Variants in PCDH11X observed in about 807,000 individuals in gnomAD.
The protein encoded by PCDH11X is protocadherin-11 X-linked.
PCDH11X carries 18 observed loss-of-function variants against 53.3 expected under a neutral mutation model. The observed-to-expected ratio is 0.34, with a 90% CI of 0.23 to 0.50. PCDH11X has a LOEUF of 0.50. Among genes scored for constraint, PCDH11X ranks in the 20% least tolerant of loss-of-function variants. PCDH11X has a pLI of 0.98. For missense variants in PCDH11X, 570 were observed against 1,032.4 expected (o/e 0.55, Z 6.14); for synonymous variants, 279 against 393.3 (o/e 0.71, Z 3.44).
At chrX:92,296,669 C>G (rs1226561480) in intron 8 of PCDH11X, among the ~76,000 whole-genome samples, 3 of 105,584 alleles carry the variant, frequency 2.8e-5, no homozygotes, top group African/African-American at 7.0e-5. Flanking sequence ...TTAGGTAGTT[C>G]CATGTATTTG....
intron 8 of PCDH11X, among the ~76,000 whole-genome samples, chrX:92,287,537 T>A (rs1481221619): frequency 1.8e-5 from 2 of 111,689 alleles, no homozygotes; most frequent in Non-Finnish European, 3.8e-5. Context: ...CTACAGCATT[T>A]AATGTGCTCA....
At chrX:92,139,106 G>A (rs1229708640) in intron 6 of PCDH11X, among the ~76,000 whole-genome samples, 2 of 106,129 alleles carry the variant, frequency 1.9e-5, no homozygotes, top group African/African-American at 7.1e-5. Flanking sequence ...CTCTTTGATT[G>A]GTAATGTAAG....
At chrX:91,927,577 G>GT (rs1447339479) in intron 6 of PCDH11X, among the ~76,000 whole-genome samples, 8 of 111,686 alleles carry the variant, frequency 7.2e-5, no homozygotes, top group African/African-American at 2.6e-4. Flanking sequence ...TGTAAACAAT[G>GT]TAAGTGATAG....
chrX:92,102,734 T>C (rs1224940778), intron 6 of PCDH11X, among the ~76,000 whole-genome samples: 9 of 111,028 alleles, frequency 8.1e-5, no homozygotes, highest in African/African-American at 2.3e-4. Flanking sequence ...GTTTGAGATC[T>C]AGAACAGAAT....
At chrX:92,061,222 G>A (rs2063519329) in intron 6 of PCDH11X, among the ~76,000 whole-genome samples, 1 of 111,276 alleles carries the variant, frequency 9.0e-6, no homozygotes. Flanking sequence ...TGTAGATTCT[G>A]GATATAAGAC....
intron 6 of PCDH11X, among the ~76,000 whole-genome samples, chrX:92,058,178 A>C (rs1165283021): frequency 9.3e-6 from 1 of 108,069 alleles, no homozygotes; most frequent in Non-Finnish European, 1.9e-5. Context: ...AGTGCAACTA[A>C]TACCTAAAAG....
At chrX:92,008,858 C>G (rs1304445530) in intron 6 of PCDH11X, among the ~76,000 whole-genome samples, 1 of 111,266 alleles carries the variant, frequency 9.0e-6, no homozygotes, top group Non-Finnish European at 1.9e-5. Flanking sequence ...TAAAGATACA[C>G]TTACTGGTGA....
intron 10 of PCDH11X, among the ~76,000 whole-genome samples, chrX:92,539,736 T>G (rs1316093692): frequency 2.7e-5 from 3 of 112,098 alleles, no homozygotes; most frequent in Non-Finnish European, 5.6e-5. Flanking sequence ...ATATCTGTCC[T>G]TTTTGAGAAG....
At chrX:92,261,962 T>C (rs2067725506) in intron 7 of PCDH11X, among the ~76,000 whole-genome samples, 1 of 111,541 alleles carries the variant, frequency 9.0e-6, no homozygotes, top group African/African-American at 3.3e-5. Context: ...ATTATAAGAA[T>C]ATCTTGGGCT....
chrX:92,278,419 G>A (rs1225475534), intron 8 of PCDH11X, among the ~76,000 whole-genome samples: 1 of 111,951 alleles, frequency 8.9e-6, no homozygotes, highest in African/African-American at 3.3e-5. Context: ...CAACATGGCT[G>A]TTTATTTCAC....
intron 10 of PCDH11X, among the ~76,000 whole-genome samples, chrX:92,509,031 T>A (rs2074117143): frequency 1.1e-5 from 1 of 93,599 alleles, no homozygotes. Flanking sequence ...TTATTCACTC[T>A]CATAGCAATT....
chrX:91,839,461 CA>C (rs757627555), intron 5 of PCDH11X, among the ~76,000 whole-genome samples: 2,842 of 70,287 alleles, frequency 0.04, 92 homozygotes, highest in African/African-American at 0.11. Flanking sequence ...TAAAAAAATA[CA>C]AAAAAAAAAA....
At chrX:92,368,751 G>C (rs1042924146) in intron 8 of PCDH11X, among the ~76,000 whole-genome samples, 1 of 109,952 alleles carries the variant, frequency 9.1e-6, no homozygotes, top group African/African-American at 3.3e-5. Flanking sequence ...TAACAAGCAG[G>C]CCTGTCTGCT....
chrX:92,134,655 C>T (rs1034602052), intron 6 of PCDH11X, among the ~76,000 whole-genome samples: 4 of 110,940 alleles, frequency 3.6e-5, no homozygotes, highest in African/African-American at 1.3e-4. Context: ...AAAATGGCTA[C>T]TCCATAGACA....
intron 8 of PCDH11X, among the ~76,000 whole-genome samples, chrX:92,286,455 A>T (rs1356995607): frequency 2.6e-4 from 2 of 7,783 alleles, no homozygotes; most frequent in Admixed American, 1.2e-3. Context: ...TTCAAAAAGT[A>T]AAAAAAAAAA....
intron 8 of PCDH11X, among the ~76,000 whole-genome samples, chrX:92,295,970 C>T (rs773426076): frequency 1.5e-4 from 16 of 109,261 alleles, no homozygotes; most frequent in African/African-American, 5.3e-4. Context: ...GTAGTCTAAG[C>T]TACTTGGGAG....
At chrX:92,153,443 A>G (rs186207615) in intron 6 of PCDH11X, among the ~76,000 whole-genome samples, 248 of 111,701 alleles carry the variant, frequency 2.2e-3, no homozygotes, top group East Asian at 6.8e-3. Flanking sequence ...TTAGTGATTT[A>G]TAGTGGTTTA....
intron 6 of PCDH11X, among the ~76,000 whole-genome samples, chrX:92,162,295 G>T (rs34692799): frequency 1.1e-3 from 118 of 107,962 alleles, no homozygotes; most frequent in Non-Finnish European, 1.9e-3. Context: ...GGGTTCAAGC[G>T]ATTCTCCTGT....
At chrX:92,266,278 T>C (rs1368279272) in intron 8 of PCDH11X, among the ~76,000 whole-genome samples, 3 of 112,203 alleles carry the variant, frequency 2.7e-5, no homozygotes, top group Non-Finnish European at 3.8e-5. Context: ...TTATAAAATA[T>C]GGCTTTTATG....
Sources: gnomAD v4.1 joint callset for allele counts (sites outside exome capture counted in the v4.1 genomes callset) on GRCh38, gnomAD v4.1.1 for gene constraint, MANE v1.5 for transcripts, NCBI Gene and HGNC (gene_info 2026-07-23, HGNC 2026-07-21) for gene names.